RPA1: variants seen among roughly 807,000 people sequenced by gnomAD.
RPA1 encodes replication protein A1.
Under a neutral mutation model 83.0 loss-of-function variants are expected in RPA1, and 49 were observed. That is an observed-to-expected ratio of 0.59 (90% CI 0.47 to 0.75). RPA1 has a LOEUF of 0.75. Among genes scored for constraint, RPA1 ranks in the 30% least tolerant of loss-of-function variants. RPA1 has a pLI of 0.00. For missense variants in RPA1, 693 were observed against 776.1 expected (o/e 0.89, Z 1.27); for synonymous variants, 279 against 281.8 (o/e 0.99, Z 0.10).
chr17:1,887,346 T>C (rs1163045067), intron 13 of RPA1, among the ~76,000 whole-genome samples: 1 of 151,384 alleles, frequency 6.6e-6, no homozygotes, highest in African/African-American at 2.4e-5. Context: ...TCACCTGAAG[T>C]CAGGAGATCG....
intron 11 of RPA1, 36 bp from the exon 12 acceptor site, chr17:1,880,507 A>T: frequency 6.2e-7 from 1 of 1,601,764 alleles, no homozygotes; most frequent in Non-Finnish European, 8.5e-7. Context: ...TCTTCCTGCT[A>T]GTGACACTTG....
In RPA1 at chr17:1,842,964, CA is replaced by C. The variant is rs889563538; in HGVS notation, c.84+112del. On this transcript the variant is annotated intron_variant, in intron 2 of 16. Transcript: ENST00000254719. ...TTGTCCACTTTCGGAAATTCACCCC[CA>C]GTCACAAAAAATAGGCCAGTCTACA... The C allele has an allele frequency of 5.4e-6, 6 of 1,119,750 alleles. No homozygotes were observed. In the African/African-American group the frequency reaches 9.3e-5, roughly 17 times the overall value. The allele number at this position is 1,119,750 out of a possible 1,614,324, so 69.4% of individuals were successfully genotyped here. A position where few individuals can be genotyped will look rare whatever the true frequency, so the allele number is the denominator to read the frequency against.
Position 1,831,800 on chromosome 17 carries a change from C to T in RPA1, c.33+1674C>T, listed in dbSNP as rs368797245. ...TTTTTTAGTAGAGACGGGGTTTCACCGTGTTAGCCAGGATGGTCTCGATCT... is the reference window on the plus strand; with the variant it reads ...TTTTTTAGTAGAGACGGGGTTTCACTGTGTTAGCCAGGATGGTCTCGATCT... On this transcript the variant is annotated intron_variant, in intron 1 of 16. Coordinates refer to ENST00000254719, the MANE Select transcript of RPA1 (RefSeq NM_002945.5). Among the ~76,000 whole-genome samples the T allele has an allele frequency of 5.3e-5, 8 of 151,522 alleles. No homozygotes were observed. In the East Asian group the frequency reaches 7.8e-4, roughly 15 times the overall value.
chr17:1,830,714 A>G (rs1315609659), intron 1 of RPA1: 1 of 151,936 alleles, frequency 6.6e-6, no homozygotes, highest in East Asian at 1.9e-4. Flanking sequence ...CCCTCTTTGT[A>G]AATTTTTGTT....
chr17:1,846,906 A>T (rs1912286176), intron 4 of RPA1, among the ~76,000 whole-genome samples: 1 of 152,166 alleles, frequency 6.6e-6, no homozygotes, highest in Admixed American at 6.5e-5. Context: ...TATTAGATGT[A>T]TAATAGTATT....
At chr17:1,892,803 A>G (rs1914253287) in intron 15 of RPA1, among the ~76,000 whole-genome samples, 1 of 152,220 alleles carries the variant, frequency 6.6e-6, no homozygotes, top group African/African-American at 2.4e-5. Context: ...TCATTTTTAT[A>G]AGTTTGCATT....
chr17:1,892,507 G>A (rs904813546), intron 15 of RPA1, among the ~76,000 whole-genome samples: 7 of 152,282 alleles, frequency 4.6e-5, no homozygotes, highest in African/African-American at 7.2e-5. Context: ...GAAGCCACCC[G>A]TTTCTCCTGT....
At chr17:1,834,848 T>A (rs1219353195) in intron 1 of RPA1, among the ~76,000 whole-genome samples, 1 of 152,142 alleles carries the variant, frequency 6.6e-6, no homozygotes, top group Non-Finnish European at 1.5e-5. Context: ...GTATTACATT[T>A]GTTGCTTTAT....
chr17:1,874,915 A>G (rs901653476), intron 6 of RPA1, among the ~76,000 whole-genome samples: 2 of 152,240 alleles, frequency 1.3e-5, no homozygotes, highest in Admixed American at 1.3e-4. Flanking sequence ...TTTGATGTAG[A>G]GGGTATGAAA....
chr17:1,879,234 G>C lies in RPA1; in HGVS notation c.779G>C (p.Gly260Ala). 2 of 1,613,862 alleles carry C rather than the reference G, an allele frequency of 1.2e-6. No homozygotes were observed. The highest frequency in any genetic ancestry group is 1.7e-6 in the Non-Finnish European group (2 of 1,179,922). Residue 260 changes from glycine (G) to alanine (A), a missense_variant, in exon 10 of 17, where the codon GGC (glycine) becomes GCC (alanine). Coordinates refer to ENST00000254719, the MANE Select transcript of RPA1 (RefSeq NM_002945.5). ...EVNKVYYFSK[G>A]TLKIANKQFT... ...TCGCAGGTGTATTATTTCTCGAAAGGCACCCTGAAGATTGCTAACAAGCAG... is the reference window on the plus strand; with the variant it reads ...TCGCAGGTGTATTATTTCTCGAAAGCCACCCTGAAGATTGCTAACAAGCAG...
intron 16 of RPA1, 24 bp from the exon 17 acceptor site, chr17:1,897,047 C>G: frequency 1.9e-6 from 3 of 1,549,798 alleles, no homozygotes; most frequent in Non-Finnish European, 2.6e-6. Flanking sequence ...TCACTGCTCA[C>G]AAACTACTTC....
chr17:1,832,360 A>G (rs1229439902), intron 1 of RPA1, among the ~76,000 whole-genome samples: 2 of 151,630 alleles, frequency 1.3e-5, no homozygotes, highest in South Asian at 2.1e-4. Context: ...TGAGACCCCA[A>G]TTCCTGTTCA....
At chr17:1,830,214 G>A in intron 1 of RPA1, 88 bp downstream of exon 1, 1 of 1,086,478 alleles carries the variant, frequency 9.2e-7, no homozygotes, top group East Asian at 3.2e-5. Context: ...GGAGCCCGGG[G>A]CGACGGGGGA....
At chr17:1,864,943 G>A (rs963782828) in intron 5 of RPA1, among the ~76,000 whole-genome samples, 1 of 152,214 alleles carries the variant, frequency 6.6e-6, no homozygotes, top group Admixed American at 6.5e-5. Flanking sequence ...GGTGGTTCAC[G>A]CTCCCAGCTA....
At chr17:1,857,267 C>T (rs1478166786) in intron 5 of RPA1, among the ~76,000 whole-genome samples, 50 of 134,716 alleles carry the variant, frequency 3.7e-4, no homozygotes, top group African/African-American at 6.2e-4. Flanking sequence ...TTTTCTTTTT[C>T]TTTTTTTTTT....
intron 5 of RPA1, 106 bp from the exon 6 acceptor site, chr17:1,872,328 A>T: frequency 6.7e-7 from 1 of 1,497,208 alleles, no homozygotes; most frequent in Non-Finnish European, 9.0e-7. Flanking sequence ...GGAGTCTTTG[A>T]CAAAATAAAA....
chr17:1,859,171 G>A (rs567582107), intron 5 of RPA1, among the ~76,000 whole-genome samples: 1 of 152,234 alleles, frequency 6.6e-6, no homozygotes, highest in South Asian at 2.1e-4. Flanking sequence ...CCAAAGTGCT[G>A]GGATTACAGG....
chr17:1,862,805 TC>T (rs1567813322), intron 5 of RPA1, among the ~76,000 whole-genome samples: 1 of 124,286 alleles, frequency 8.0e-6, no homozygotes, highest in African/African-American at 3.1e-5. Context: ...CACTGCAACC[TC>T]CCCCGGGTTC....
chr17:1,872,133 C>A, intron 5 of RPA1: 2 of 371,694 alleles, frequency 5.4e-6, no homozygotes, highest in Non-Finnish European at 1.0e-5. Context: ...AGTGACTTTA[C>A]TGCAGGTTGT....
Sources: gnomAD v4.1 joint callset for allele counts (sites outside exome capture counted in the v4.1 genomes callset) on GRCh38, gnomAD v4.1.1 for gene constraint, MANE v1.5 for transcripts, NCBI Gene and HGNC (gene_info 2026-07-23, HGNC 2026-07-21) for gene names.